Variants in CRY1 observed in about 807,000 individuals in gnomAD.
CRY1 encodes cryptochrome-1.
CRY1 carries 45 observed loss-of-function variants against 76.0 expected under a neutral mutation model. The ratio of observed to expected loss-of-function variants is 0.59; its 90% CI spans 0.47 to 0.76. CRY1 has a LOEUF of 0.76. Ranked by LOEUF, CRY1 falls within the 30% of genes least tolerant of loss-of-function variation. CRY1 has a pLI of 0.00. For missense variants in CRY1, 587 were observed against 716.4 expected (o/e 0.82, Z 2.06); for synonymous variants, 248 against 244.0 (o/e 1.02, Z -0.15).
At chr12:107,065,885 C>G (rs1368846530) in intron 1 of CRY1, among the ~76,000 whole-genome samples, 1 of 152,144 alleles carries the variant, frequency 6.6e-6, no homozygotes, top group African/African-American at 2.4e-5. Context: ...CATTAAAAAA[C>G]AAGGAAGTAC....
chr12:107,037,582 G>A (rs1332691884), intron 1 of CRY1, among the ~76,000 whole-genome samples: 1 of 152,110 alleles, frequency 6.6e-6, no homozygotes, highest in East Asian at 1.9e-4. Context: ...TCAATCACAT[G>A]TGTCCGTGTA....
In CRY1 at chr12:106,991,673, C is replaced by CT. The variant is rs899765147; in HGVS notation, c.*328dup. 2.0e-5 allele frequency: 3 copies of CT among 152,500 alleles called. No homozygotes were observed. The highest frequency in any genetic ancestry group is 4.8e-5 in the African/African-American group (2 of 41,416). The allele number at this position is 152,500 out of a possible 1,614,324, so 9.4% of individuals were successfully genotyped here. A position where few individuals can be genotyped will look rare whatever the true frequency, so the allele number is the denominator to read the frequency against. On this transcript the variant is annotated 3_prime_UTR_variant, in exon 13 of 13. Coordinates refer to ENST00000008527, the MANE Select transcript of CRY1 (RefSeq NM_004075.5). The stretch of plus-strand genomic sequence containing the variant: ...TCCTTTTTTCCCACTGACTTCAAAA[C>CT]TTTGAGTTTTATATCAGAATATCAA...
At chr12:107,054,728 C>T (rs756778670) in intron 1 of CRY1, among the ~76,000 whole-genome samples, 21 of 149,218 alleles carry the variant, frequency 1.4e-4, no homozygotes, top group Non-Finnish European at 2.7e-4. Flanking sequence ...TAATTATAAA[C>T]ATAATGAACT....
At chr12:107,049,510 G>T (rs1952891973) in intron 1 of CRY1, among the ~76,000 whole-genome samples, 1 of 152,054 alleles carries the variant, frequency 6.6e-6, no homozygotes, top group African/African-American at 2.4e-5. Flanking sequence ...GAGTAGCTGG[G>T]ACTACAGGCA....
chr12:107,054,225 TAG>T (rs1364449383), intron 1 of CRY1, among the ~76,000 whole-genome samples: 2 of 152,052 alleles, frequency 1.3e-5, no homozygotes, highest in Non-Finnish European at 2.9e-5. Context: ...GAAAGGTAAT[TAG>T]AGTTTGCGTT....
At chr12:106,998,690 AC>A (rs1263263350) in intron 7 of CRY1, among the ~76,000 whole-genome samples, 1 of 151,594 alleles carries the variant, frequency 6.6e-6, no homozygotes, top group Non-Finnish European at 1.5e-5. Flanking sequence ...ACACACACAC[AC>A]AAGCTCAGAA....
chr12:107,004,589 A>G (rs10047649), intron 3 of CRY1, among the ~76,000 whole-genome samples: 2,207 of 152,290 alleles, frequency 0.014, 64 homozygotes, highest in African/African-American at 0.051. Context: ...ACACTTTGGG[A>G]AATATTCTAT....
intron 1 of CRY1, among the ~76,000 whole-genome samples, chr12:107,090,254 T>G (rs754065702): frequency 6.6e-5 from 10 of 152,038 alleles, no homozygotes; most frequent in African/African-American, 2.4e-4. Flanking sequence ...TACGCCTATC[T>G]AATTTTTTTG....
At chr12:107,002,655 C>T (rs1299458373) in intron 3 of CRY1, among the ~76,000 whole-genome samples, 2 of 152,084 alleles carry the variant, frequency 1.3e-5, no homozygotes, top group African/African-American at 4.8e-5. Context: ...TACTTTGTAT[C>T]CTTGGACCTA....
At chr12:107,044,342 G>A (rs923153892) in intron 1 of CRY1, among the ~76,000 whole-genome samples, 1 of 152,162 alleles carries the variant, frequency 6.6e-6, no homozygotes, top group Non-Finnish European at 1.5e-5. Context: ...AACAATCTAT[G>A]CTGCTGCAGC....
At chr12:107,048,854 G>A (rs930637979) in intron 1 of CRY1, among the ~76,000 whole-genome samples, 9 of 152,266 alleles carry the variant, frequency 5.9e-5, no homozygotes, top group African/African-American at 2.2e-4. Flanking sequence ...TAATTGATAA[G>A]TCTAATGTGG....
chr12:107,074,142 T>C (rs909036236), intron 1 of CRY1, among the ~76,000 whole-genome samples: 2 of 152,102 alleles, frequency 1.3e-5, no homozygotes, highest in African/African-American at 4.8e-5. Flanking sequence ...TCCTTTCTAT[T>C]CCCACATTAC....
chr12:107,057,466 CCT>C (rs1952997408), intron 1 of CRY1, among the ~76,000 whole-genome samples: 2 of 152,160 alleles, frequency 1.3e-5, no homozygotes, highest in Non-Finnish European at 2.9e-5. Context: ...TAGAAGAATG[CCT>C]CTTTCTTTCT....
At chr12:107,013,318 A>T (rs143867804) in intron 2 of CRY1, among the ~76,000 whole-genome samples, 1 of 152,236 alleles carries the variant, frequency 6.6e-6, no homozygotes, top group Non-Finnish European at 1.5e-5. Context: ...CTCCACCAGC[A>T]AAAAAGATTA....
At chr12:107,029,705 T>C (rs906559251) in intron 1 of CRY1, among the ~76,000 whole-genome samples, 2 of 152,094 alleles carry the variant, frequency 1.3e-5, no homozygotes, top group South Asian at 4.1e-4. Context: ...TAATTACTTC[T>C]ATAATTTCAA....
In CRY1 at chr12:107,022,159, G is replaced by A; in HGVS notation, c.192C>T (p.Ala64=). 6.2e-7 allele frequency: 1 copy of A among 1,601,804 alleles called. No individual in the cohort carries two copies. Among genetic ancestry groups the A allele is most frequent in the Non-Finnish European group, 8.5e-7 (1 of 1,173,692 alleles). ...GACGGGAGTTTAATTTTCGTAGATT[G>A]GCATCAAGATCCTCAAGACACTGAA... The part of the protein sequence containing the change: ...FLLQCLEDLD[A]NLRKLNSRLF... Residue 64 remains alanine (A), a synonymous_variant, in exon 2 of 13, where the codon GCC becomes GCT. Coordinates refer to ENST00000008527, the MANE Select transcript of CRY1 (RefSeq NM_004075.5).
chr12:107,076,970 A>C (rs1035335474), intron 1 of CRY1, among the ~76,000 whole-genome samples: 1 of 152,156 alleles, frequency 6.6e-6, no homozygotes, highest in African/African-American at 2.4e-5. Flanking sequence ...GGCTCCCCAA[A>C]AGCAGACGCT....
intron 1 of CRY1, among the ~76,000 whole-genome samples, chr12:107,091,925 C>T (rs1489699579): frequency 1.3e-5 from 2 of 152,212 alleles, no homozygotes; most frequent in Non-Finnish European, 2.9e-5. Context: ...CCCATCCCTA[C>T]CCTTGTATTC....
rs138377210 is a variant in CRY1, at chr12:107,036,860, C to T, written c.159-14668G>A. On this transcript the variant is annotated intron_variant, in intron 1 of 12. Coordinates refer to ENST00000008527, the MANE Select transcript of CRY1 (RefSeq NM_004075.5). ...CTTTAGGTCATTGCTCAAAGGTCAT[C>T]TCTGAAGTGAGGCTCTCTCTGACCA... Among the ~76,000 whole-genome samples, 430 of 152,280 alleles carry T rather than the reference C, an allele frequency of 2.8e-3. 8 individuals carry two copies. Among genetic ancestry groups the T allele is most frequent in the Middle Eastern group, 3.4e-3 (1 of 294 alleles).
Sources: gnomAD v4.1 joint callset for allele counts (sites outside exome capture counted in the v4.1 genomes callset) on GRCh38, gnomAD v4.1.1 for gene constraint, MANE v1.5 for transcripts, NCBI Gene and HGNC (gene_info 2026-07-23, HGNC 2026-07-21) for gene names.